Variants in CFAP77 observed in about 807,000 individuals in gnomAD.
CFAP77 encodes cilia- and flagella-associated protein 77.
CFAP77 carries 25 observed loss-of-function variants against 31.1 expected under a neutral mutation model. The ratio of observed to expected loss-of-function variants is 0.80; its 90% CI spans 0.59 to 1.12. The LOEUF (loss-of-function observed/expected upper bound fraction) is 1.12, where lower values mean the gene tolerates loss of function less well. Among genes scored for constraint, CFAP77 ranks in the 50% most tolerant of loss-of-function variants. CFAP77 has a pLI of 0.00. For synonymous variants in CFAP77, 151 were observed against 159.9 expected (o/e 0.94, Z 0.42); for missense variants, 377 against 397.3 (o/e 0.95, Z 0.44).
At chr9:132,549,228 T>C (rs1213337843) in intron 5 of CFAP77, among the ~76,000 whole-genome samples, 4 of 152,198 alleles carry the variant, frequency 2.6e-5, no homozygotes, top group East Asian at 3.9e-4. Context: ...CCAGTTAAAA[T>C]GAAGATGGGC....
At chr9:132,503,695 G>A (rs1851890361) in intron 3 of CFAP77, among the ~76,000 whole-genome samples, 1 of 152,120 alleles carries the variant, frequency 6.6e-6, no homozygotes, top group Non-Finnish European at 1.5e-5. Flanking sequence ...ACCTCCCCAA[G>A]TTCACACAAC....
At chr9:132,467,549 A>G (rs1851176784) in intron 1 of CFAP77, among the ~76,000 whole-genome samples, 1 of 152,182 alleles carries the variant, frequency 6.6e-6, no homozygotes, top group Non-Finnish European at 1.5e-5. Context: ...AGGCTGAGTA[A>G]TATTCCCTTG....
intron 1 of CFAP77, among the ~76,000 whole-genome samples, chr9:132,421,029 A>G (rs1850207805): frequency 7.7e-6 from 1 of 129,974 alleles, no homozygotes; most frequent in Non-Finnish European, 1.6e-5. Context: ...TTTTTTTGAG[A>G]CAGAGTCTCG....
intron 5 of CFAP77, among the ~76,000 whole-genome samples, chr9:132,568,317 G>A (rs1274800385): frequency 6.6e-6 from 1 of 152,226 alleles, no homozygotes; most frequent in Non-Finnish European, 1.5e-5. Context: ...CACTTTGGGA[G>A]GCCGAGGCGG....
intron 1 of CFAP77, among the ~76,000 whole-genome samples, chr9:132,410,852 G>T (rs1784000961): frequency 6.6e-6 from 1 of 152,220 alleles, no homozygotes; most frequent in Admixed American, 6.5e-5. Flanking sequence ...GTGGCTGCCA[G>T]CCCTCCCAGG....
intron 1 of CFAP77, among the ~76,000 whole-genome samples, chr9:132,459,190 G>A (rs949673956): frequency 6.6e-6 from 1 of 151,602 alleles, no homozygotes; most frequent in African/African-American, 2.4e-5. Flanking sequence ...TCCTGCCTCA[G>A]CCTCCCGAGT....
chr9:132,510,023 C>A (rs1351660713), intron 3 of CFAP77, among the ~76,000 whole-genome samples: 2 of 152,196 alleles, frequency 1.3e-5, no homozygotes, highest in Non-Finnish European at 2.9e-5. Context: ...TTCGGCTCTC[C>A]TGTGGCCCGG....
chr9:132,568,292 C>T (rs143545456), intron 5 of CFAP77, among the ~76,000 whole-genome samples: 98 of 152,318 alleles, frequency 6.4e-4, no homozygotes, highest in East Asian at 2.3e-3. Context: ...CTGTGGCTAA[C>T]GCCTGTAATC....
chr9:132,431,975 C>T (rs750855233), intron 1 of CFAP77, among the ~76,000 whole-genome samples: 26 of 152,128 alleles, frequency 1.7e-4, no homozygotes, highest in East Asian at 9.6e-4. Context: ...GCTATTCAAA[C>T]GAGATTCCTA....
At chr9:132,540,336 C>T (rs1290241208) in intron 4 of CFAP77, among the ~76,000 whole-genome samples, 2 of 152,184 alleles carry the variant, frequency 1.3e-5, no homozygotes, top group African/African-American at 2.4e-5. Flanking sequence ...CAAGCAGAGC[C>T]CCCAAAACAG....
At chr9:132,472,302 T>A (rs1851274066) in intron 1 of CFAP77, among the ~76,000 whole-genome samples, 1 of 152,170 alleles carries the variant, frequency 6.6e-6, no homozygotes, top group South Asian at 2.1e-4. Context: ...GATGGACCAG[T>A]CATTTAGGAA....
chr9:132,555,411 C>T (rs1852886844), intron 5 of CFAP77, among the ~76,000 whole-genome samples: 1 of 152,210 alleles, frequency 6.6e-6, no homozygotes, highest in African/African-American at 2.4e-5. Flanking sequence ...TGTTCAACAG[C>T]CTATATTAAT....
intron 4 of CFAP77, among the ~76,000 whole-genome samples, chr9:132,541,840 G>A (rs912330930): frequency 1.4e-4 from 21 of 152,272 alleles, no homozygotes; most frequent in Non-Finnish European, 1.3e-4. Flanking sequence ...GATTAAACTC[G>A]GTTCAGTCTT....
In CFAP77 at chr9:132,411,299, A is replaced by C. The variant is rs565488277; in HGVS notation, c.195+833A>C. Among the ~76,000 whole-genome samples, 4 of 152,360 alleles carry C rather than the reference A, an allele frequency of 2.6e-5. No individual in the cohort carries two copies. In the East Asian group the frequency reaches 7.7e-4, roughly 29 times the overall value. Reference sequence around the variant, plus strand: ...CCCCGCGTCCCAGGTGCGGGAGTGGAAGGCGCAGGTGGTAACCGTGGATTC... The same window carrying C: ...CCCCGCGTCCCAGGTGCGGGAGTGGCAGGCGCAGGTGGTAACCGTGGATTC... On this transcript the variant is annotated intron_variant, in intron 1 of 5. Transcript: ENST00000393216.
intron 1 of CFAP77, among the ~76,000 whole-genome samples, chr9:132,419,449 C>G (rs1465412700): frequency 1.3e-5 from 2 of 152,176 alleles, no homozygotes; most frequent in Non-Finnish European, 2.9e-5. Context: ...CCACAGCCTC[C>G]CACAAAGATG....
intron 5 of CFAP77, among the ~76,000 whole-genome samples, chr9:132,551,115 T>A (rs1322634725): frequency 6.6e-6 from 1 of 150,470 alleles, no homozygotes; most frequent in Non-Finnish European, 1.5e-5. Flanking sequence ...TGCCTTAGGG[T>A]GGTGCAAAGA....
At chr9:132,538,453 AC>A (rs1331117117) in intron 4 of CFAP77, among the ~76,000 whole-genome samples, 1 of 152,186 alleles carries the variant, frequency 6.6e-6, no homozygotes, top group East Asian at 1.9e-4. Context: ...AGGAAGGAAA[AC>A]CATCTTTAAT....
intron 1 of CFAP77, among the ~76,000 whole-genome samples, chr9:132,488,701 C>T (rs1251599694): frequency 2.6e-5 from 4 of 152,204 alleles, no homozygotes; most frequent in South Asian, 2.1e-4. Flanking sequence ...GTTCTCATGG[C>T]GACAGGCTGC....
At chr9:132,562,159 A>G (rs2119102524) in intron 5 of CFAP77, among the ~76,000 whole-genome samples, 1 of 152,346 alleles carries the variant, frequency 6.6e-6, no homozygotes, top group South Asian at 2.1e-4. Flanking sequence ...ATCTCCAATA[A>G]GGGAAACTCA....
Sources: allele counts gnomAD v4.1 joint callset (sites outside exome capture counted in the v4.1 genomes callset), GRCh38; gene constraint gnomAD v4.1.1; transcripts MANE v1.5; gene names NCBI Gene and HGNC (gene_info 2026-07-23, HGNC 2026-07-21).